POU2AF1: variants seen among roughly 807,000 people sequenced by gnomAD.
The protein encoded by POU2AF1 is POU class 2 homeobox associating factor 1, also known as POU domain class 2-associating factor 1.
In POU2AF1, 12 loss-of-function variants were observed where a neutral mutation model predicts 26.3. That is an observed-to-expected ratio of 0.46 (90% CI 0.29 to 0.74). The LOEUF is 0.74. Ranked by LOEUF, POU2AF1 falls within the 30% of genes least tolerant of loss-of-function variation. The pLI, the probability that POU2AF1 is intolerant of heterozygous loss-of-function variation, is 0.09. For missense variants in POU2AF1, 297 were observed against 334.5 expected, an observed-to-expected ratio of 0.89 and a Z score of 0.87; for synonymous variants, 175 against 148.0, an observed-to-expected ratio of 1.18 and a Z score of -1.32.
At chr11:111,372,283 A>T (rs1213199184) in intron 1 of POU2AF1, among the ~76,000 whole-genome samples, 1 of 152,170 alleles carries the variant, frequency 6.6e-6, no homozygotes, top group Non-Finnish European at 1.5e-5. Context: ...TATTATAGCT[A>T]AAATATCTTC....
chr11:111,355,772 C>G (rs576764353), intron 4 of POU2AF1, among the ~76,000 whole-genome samples: 11 of 152,278 alleles, frequency 7.2e-5, no homozygotes, highest in African/African-American at 2.6e-4. Flanking sequence ...GTCTCAGAGG[C>G]CTTCCAGCCT....
At chr11:111,379,053 CCGTGG>C in intron 1 of POU2AF1, 104 bp downstream of exon 1, 2 of 1,372,314 alleles carry the variant, frequency 1.5e-6, no homozygotes, top group Non-Finnish European at 2.1e-6. Context: ...CCCCCTCCCC[CCGTGG>C]CCCCATCACC....
rs11213847 is a variant in POU2AF1 at position 111,352,680 on chromosome 11, G to A, written c.*1581C>T. ...GCTGGGTGCGGTGGCTCACGCCTGT[G>A]ATCCCAGCACTCTGAGAGGCTGAGG... On this transcript the variant is annotated 3_prime_UTR_variant, in exon 5 of 5. Coordinates refer to ENST00000393067, the MANE Select transcript of POU2AF1 (RefSeq NM_006235.3). 0.29 allele frequency: 49,346 copies of A among 172,780 alleles called. 7,686 individuals are homozygous for A. Among genetic ancestry groups the A allele is most frequent in the African/African-American group, 0.42 (17,605 of 42,058 alleles). The allele number at this position is 172,780 out of a possible 1,614,324, so 10.7% of individuals were successfully genotyped here.
chr11:111,376,921 AG>A (rs1259123637), intron 1 of POU2AF1, among the ~76,000 whole-genome samples: 1 of 152,176 alleles, frequency 6.6e-6, no homozygotes, highest in Non-Finnish European at 1.5e-5. Flanking sequence ...TAAGGCTTAA[AG>A]GACAATTCAA....
At chr11:111,368,912 C>T (rs578124488) in intron 1 of POU2AF1, among the ~76,000 whole-genome samples, 2 of 152,250 alleles carry the variant, frequency 1.3e-5, no homozygotes, top group East Asian at 1.9e-4. Flanking sequence ...TTGATCTCAG[C>T]CAACAATCCA....
chr11:111,369,432 C>T (rs1454445022), intron 1 of POU2AF1, among the ~76,000 whole-genome samples: 2 of 152,162 alleles, frequency 1.3e-5, no homozygotes, highest in East Asian at 3.9e-4. Context: ...CTTAAGGAAC[C>T]TATATGTATC....
At chr11:111,372,385 C>G (rs1861230588) in intron 1 of POU2AF1, among the ~76,000 whole-genome samples, 1 of 148,708 alleles carries the variant, frequency 6.7e-6, no homozygotes, top group Non-Finnish European at 1.5e-5. Flanking sequence ...AATGGGTTCT[C>G]ATGGTATGAA....
chr11:111,378,358 A>G (rs1339450882), intron 1 of POU2AF1, among the ~76,000 whole-genome samples: 1 of 152,220 alleles, frequency 6.6e-6, no homozygotes, highest in Non-Finnish European at 1.5e-5. Flanking sequence ...ACTAGCCCCA[A>G]TAAGGTTCAA....
In POU2AF1 at chr11:111,353,943, A is replaced by T. The variant is rs1188808831; in HGVS notation, c.*318T>A. 1 of 311,058 alleles carries T rather than the reference A, an allele frequency of 3.2e-6. No homozygotes were observed. Among genetic ancestry groups the T allele is most frequent in the Non-Finnish European group, 5.8e-6 (1 of 171,464 alleles). The allele number at this position is 311,058 out of a possible 1,614,324, so 19.3% of individuals were successfully genotyped here. The stretch of plus-strand genomic sequence containing the variant: ...AAAGGGAGAAGGGAAGGAGGGAAGG[A>T]AGGGAGGGAGGAAAAGGAAGGAAGG... On this transcript the variant is annotated 3_prime_UTR_variant, in exon 5 of 5. Coordinates refer to ENST00000393067, the MANE Select transcript of POU2AF1 (RefSeq NM_006235.3).
intron 1 of POU2AF1, among the ~76,000 whole-genome samples, chr11:111,360,372 C>T (rs1319628902): frequency 6.6e-6 from 1 of 152,168 alleles, no homozygotes; most frequent in Non-Finnish European, 1.5e-5. Flanking sequence ...CAGTAAATAC[C>T]CAGCTGATAA....
intron 1 of POU2AF1, among the ~76,000 whole-genome samples, chr11:111,370,319 G>T (rs1233940571): frequency 6.6e-6 from 1 of 152,156 alleles, no homozygotes; most frequent in Non-Finnish European, 1.5e-5. Context: ...CAGTTTTTTA[G>T]GAATTTACCT....
chr11:111,373,114 C>G (rs921124722), intron 1 of POU2AF1, among the ~76,000 whole-genome samples: 3 of 152,204 alleles, frequency 2.0e-5, no homozygotes, highest in African/African-American at 7.2e-5. Context: ...ACACCACTGT[C>G]TTACTTAAAT....
chr11:111,377,111 C>T (rs1198536963), intron 1 of POU2AF1, among the ~76,000 whole-genome samples: 1 of 151,828 alleles, frequency 6.6e-6, no homozygotes, highest in African/African-American at 2.4e-5. Flanking sequence ...GGGACAGGTG[C>T]AGTGACTCAC....
chr11:111,363,875 T>C, intron 1 of POU2AF1: 1 of 985,394 alleles, frequency 1.0e-6, no homozygotes, highest in Non-Finnish European at 1.2e-6. Context: ...CTCCCGTAGG[T>C]ATCCAAGAGT....
intron 1 of POU2AF1, among the ~76,000 whole-genome samples, chr11:111,359,687 T>C (rs943811395): frequency 1.3e-5 from 2 of 152,218 alleles, no homozygotes; most frequent in Admixed American, 6.5e-5. Context: ...TTCAAAAAAA[T>C]TCAGTCTATT....
chr11:111,371,443 T>C (rs1861207664), intron 1 of POU2AF1, among the ~76,000 whole-genome samples: 1 of 151,980 alleles, frequency 6.6e-6, no homozygotes, highest in Admixed American at 6.6e-5. Flanking sequence ...AAACACGAGT[T>C]TGCCAGTCAG....
At chr11:111,371,688 G>C (rs1424135406) in intron 1 of POU2AF1, among the ~76,000 whole-genome samples, 1 of 152,180 alleles carries the variant, frequency 6.6e-6, no homozygotes, top group African/African-American at 2.4e-5. Flanking sequence ...TTCAGAGGTA[G>C]ATTGTGACAG....
intron 1 of POU2AF1, among the ~76,000 whole-genome samples, chr11:111,361,438 C>G (rs1031895681): frequency 2.6e-5 from 4 of 152,196 alleles, no homozygotes; most frequent in African/African-American, 9.7e-5. Flanking sequence ...TATTTAATGT[C>G]TCTGGGCTTC....
At chr11:111,366,225 C>T (rs142925438) in intron 1 of POU2AF1, among the ~76,000 whole-genome samples, 24 of 152,294 alleles carry the variant, frequency 1.6e-4, no homozygotes, top group African/African-American at 3.4e-4. Context: ...TGCATGTAAA[C>T]GCAGACTTTC....
Sources: gnomAD v4.1 joint callset for allele counts (sites outside exome capture counted in the v4.1 genomes callset) on GRCh38, gnomAD v4.1.1 for gene constraint, MANE v1.5 for transcripts, NCBI Gene and HGNC (gene_info 2026-07-23, HGNC 2026-07-21) for gene names.